Variants in TTC7B observed in about 807,000 individuals in gnomAD.
The protein encoded by TTC7B is tetratricopeptide repeat domain 7B, also known as tetratricopeptide repeat protein 7B.
Under a neutral mutation model 106.8 loss-of-function variants are expected in TTC7B, and 28 were observed. That is an observed-to-expected ratio of 0.26 (90% CI 0.19 to 0.36). TTC7B has a LOEUF of 0.36. Among genes scored for constraint, TTC7B ranks in the 10% least tolerant of loss-of-function variants. The pLI is 1.00. For missense variants in TTC7B, 862 were observed against 1,076.4 expected, an observed-to-expected ratio of 0.80 and a Z score of 2.79; for synonymous variants, 405 against 430.6, an observed-to-expected ratio of 0.94 and a Z score of 0.74.
chr14:90,711,401 A>T lies in TTC7B; in HGVS notation c.699-15823T>A, dbSNP rs1013433096. Among the ~76,000 whole-genome samples the T allele has an allele frequency of 3.3e-5, 5 of 152,218 alleles. No individual in the cohort carries two copies. The South Asian group carries it at 1.0e-3, about 31-fold the overall frequency. On this transcript the variant is annotated intron_variant, in intron 5 of 19. Transcript: ENST00000328459. ...GTTGACTGTGATAGTTTAAAGATAT[A>T]TATTATAATCCATAGAGAAAACAGA...
chr14:90,700,052 G>A (rs1429743636), intron 5 of TTC7B, among the ~76,000 whole-genome samples: 1 of 148,502 alleles, frequency 6.7e-6, no homozygotes, highest in East Asian at 1.9e-4. Context: ...TTTCCTACCC[G>A]TTTCTTTTCT....
chr14:90,543,440 C>T (rs1024628281), intron 19 of TTC7B, among the ~76,000 whole-genome samples: 2 of 152,176 alleles, frequency 1.3e-5, no homozygotes, highest in Non-Finnish European at 2.9e-5. Flanking sequence ...TTACATGAAT[C>T]AGGGGCCTTC....
intron 9 of TTC7B, among the ~76,000 whole-genome samples, chr14:90,661,502 GA>G (rs572012625): frequency 7.6e-4 from 116 of 152,272 alleles, no homozygotes; most frequent in Admixed American, 3.7e-3. Flanking sequence ...GCTAAGCAGT[GA>G]AAAGCTAGCA....
intron 19 of TTC7B, among the ~76,000 whole-genome samples, chr14:90,569,026 C>G (rs925840741): frequency 3.3e-5 from 5 of 152,190 alleles, no homozygotes; most frequent in African/African-American, 1.2e-4. Context: ...CTGGGTTTGC[C>G]CCTCTGATGG....
At chr14:90,703,517 C>T (rs1361118820) in intron 5 of TTC7B, among the ~76,000 whole-genome samples, 1 of 152,046 alleles carries the variant, frequency 6.6e-6, no homozygotes, top group Non-Finnish European at 1.5e-5. Context: ...ATTTCCAACA[C>T]AACTCTGGCG....
intron 3 of TTC7B, among the ~76,000 whole-genome samples, chr14:90,777,085 C>A (rs1369929858): frequency 1.3e-5 from 2 of 151,998 alleles, no homozygotes; most frequent in Non-Finnish European, 2.9e-5. Flanking sequence ...AAAAAAAATA[C>A]AAAAATTAGC....
Position 90,600,115 on chromosome 14 carries a change from TGAAG to T in TTC7B, c.1967-6493_1967-6490del, listed in dbSNP as rs1892367034. On this transcript the variant is annotated intron_variant, in intron 17 of 19. Transcript: ENST00000328459. The surrounding 1 kb of genome is among the most constrained non-coding windows in gnomAD (Gnocchi z 4.3). ...TTAGTGTTGACTGTCTCTTATTTCTTGAAGGGAGAGGAAGAGGCATGAGTGTCCA... is the reference window on the plus strand; with the variant it reads ...TTAGTGTTGACTGTCTCTTATTTCTTGGAGAGGAAGAGGCATGAGTGTCCA... Among the ~76,000 whole-genome samples the T allele has an allele frequency of 6.6e-6, 1 of 152,120 alleles. No individual in the cohort carries two copies. Among genetic ancestry groups the T allele is most frequent in the African/African-American group, 2.4e-5 (1 of 41,414 alleles).
chr14:90,701,784 G>A (rs1887998717), intron 5 of TTC7B, among the ~76,000 whole-genome samples: 2 of 122,298 alleles, frequency 1.6e-5, no homozygotes, highest in Non-Finnish European at 3.3e-5. Context: ...ATATGTATAT[G>A]TGTGTGTGTG....
chr14:90,754,051 G>C (rs1380717981), intron 3 of TTC7B, among the ~76,000 whole-genome samples: 2 of 152,212 alleles, frequency 1.3e-5, no homozygotes, highest in African/African-American at 4.8e-5. Flanking sequence ...TTACATGTCA[G>C]ATACTGTTCT....
At chr14:90,606,369 C>T (rs552474156) in intron 17 of TTC7B, among the ~76,000 whole-genome samples, 3 of 152,176 alleles carry the variant, frequency 2.0e-5, no homozygotes, top group Admixed American at 1.3e-4. Flanking sequence ...AGACCACCGC[C>T]GCTGCAATTA....
At chr14:90,656,129 A>C (rs958807761) in intron 11 of TTC7B, among the ~76,000 whole-genome samples, 2 of 152,194 alleles carry the variant, frequency 1.3e-5, no homozygotes, top group African/African-American at 4.8e-5. Context: ...CTGTGCTTTC[A>C]AAACATCTTT....
rs2139743843 is a variant in TTC7B, at chr14:90,525,659, C to T, written c.*15709G>A. 1 of 150,180 alleles carries T rather than the reference C, an allele frequency of 6.7e-6. No individual in the cohort carries two copies. The highest frequency in any genetic ancestry group is 1.5e-5 in the Non-Finnish European group (1 of 67,582). The allele number at this position is 150,180 out of a possible 1,614,324, so 9.3% of individuals were successfully genotyped here. ...CGGCGGATCTGCTCCTATAGATGTC[C>T]AGATTGTTAGACGGTGGGCTTCATC... On this transcript the variant is annotated 3_prime_UTR_variant, in exon 20 of 20. Coordinates refer to ENST00000328459, the MANE Select transcript of TTC7B (RefSeq NM_001010854.2).
intron 1 of TTC7B, among the ~76,000 whole-genome samples, chr14:90,799,743 T>G (rs1211966602): frequency 6.6e-6 from 1 of 152,092 alleles, no homozygotes; most frequent in East Asian, 1.9e-4. Context: ...GCACAGACTG[T>G]GGCAAGGGGT....
At chr14:90,740,494 C>CTTT (rs71461924) in intron 4 of TTC7B, among the ~76,000 whole-genome samples, 1,207 of 78,322 alleles carry the variant, frequency 0.015, 9 homozygotes, top group Non-Finnish European at 0.02. Flanking sequence ...AATTCTTTGA[C>CTTT]TTTTTTTTTT....
rs76488939 is a variant in TTC7B at position 90,777,407 on chromosome 14, G to A, written c.445+3331C>T. Among the ~76,000 whole-genome samples, 5 of 152,244 alleles carry A rather than the reference G, an allele frequency of 3.3e-5. No individual in the cohort carries two copies. The East Asian group carries it at 7.7e-4, about 24-fold the overall frequency. On this transcript the variant is annotated intron_variant, in intron 3 of 19. Transcript: ENST00000328459. ...AATTTGGGGTTTGGAGAGTTAAAGA[G>A]ACAGGAAATCCCCTAACATAGTGCT...
rs1007307059 is a variant in TTC7B, at chr14:90,608,377, C to A, written c.1966+2365G>T. Among the ~76,000 whole-genome samples, 1 of 152,078 alleles carries A rather than the reference C, an allele frequency of 6.6e-6. No homozygotes were observed. Among genetic ancestry groups the A allele is most frequent in the African/African-American group, 2.4e-5 (1 of 41,398 alleles). ...GTGCAAATCAGTATTTTGCAGCTGCCTGGTTGGGTCGGGGGTGGTGTAGGG... is the reference window on the plus strand; with the variant it reads ...GTGCAAATCAGTATTTTGCAGCTGCATGGTTGGGTCGGGGGTGGTGTAGGG... On this transcript the variant is annotated intron_variant, in intron 17 of 19. Coordinates refer to ENST00000328459, the MANE Select transcript of TTC7B (RefSeq NM_001010854.2). This position sits in a 1 kb window ranked among gnomAD's most constrained non-coding sequence, Gnocchi z 5.1.
chr14:90,751,921 C>T (rs1255439723), intron 3 of TTC7B, among the ~76,000 whole-genome samples: 2 of 152,028 alleles, frequency 1.3e-5, no homozygotes, highest in Admixed American at 6.6e-5. Context: ...AAGTGGAAGC[C>T]CCTTATAAGG....
chr14:90,628,685 G>A (rs947075749), intron 15 of TTC7B, among the ~76,000 whole-genome samples: 1 of 152,260 alleles, frequency 6.6e-6, no homozygotes, highest in Non-Finnish European at 1.5e-5. Flanking sequence ...TCCAGGACCA[G>A]AGGTGGATGA....
At chr14:90,700,505 C>G (rs113878265) in intron 5 of TTC7B, among the ~76,000 whole-genome samples, 3 of 151,868 alleles carry the variant, frequency 2.0e-5, no homozygotes, top group Admixed American at 2.0e-4. Context: ...GTACCAGTGA[C>G]GTTTAACAAG....
Sources: gnomAD v4.1 joint callset for allele counts (sites outside exome capture counted in the v4.1 genomes callset) on GRCh38, gnomAD v4.1.1 for gene constraint, Gnocchi (gnomAD v3.1) non-coding constraint, MANE v1.5 for transcripts, NCBI Gene and HGNC (gene_info 2026-07-23, HGNC 2026-07-21) for gene names.